The following ADGRL1 variants were observed in gnomAD, a reference collection of about 807,000 sequenced individuals.
The protein encoded by ADGRL1 is CIRL-1.
ADGRL1 carries 31 observed loss-of-function variants against 148.9 expected under a neutral mutation model. The ratio of observed to expected loss-of-function variants is 0.21; its 90% CI spans 0.16 to 0.28. The LOEUF (loss-of-function observed/expected upper bound fraction) is 0.28, where lower values mean the gene tolerates loss of function less well. Ranked by LOEUF, ADGRL1 falls within the 10% of genes least tolerant of loss-of-function variation. The pLI is 1.00. For synonymous variants in ADGRL1, 937 were observed against 900.3 expected (o/e 1.04, Z -0.73); for missense variants, 1,521 against 2,058.8 (o/e 0.74, Z 5.05).
intron 4 of ADGRL1, 89 bp from the exon 5 acceptor site, chr19:14,163,495 A>AGG (rs1969642488): frequency 3.5e-6 from 3 of 861,902 alleles, no homozygotes; most frequent in Admixed American, 3.3e-5. Context: ...AGAGAGAGAG[A>AGG]GAGGGGGGAG....
At chr19:14,175,969 G>T (rs1283951537) in intron 3 of ADGRL1, among the ~76,000 whole-genome samples, 1 of 151,936 alleles carries the variant, frequency 6.6e-6, no homozygotes, top group African/African-American at 2.4e-5. Context: ...CGGGAGAATT[G>T]CTTGAACCCT....
intron 1 of ADGRL1, among the ~76,000 whole-genome samples, chr19:14,199,419 G>T (rs1035763073): frequency 2.0e-5 from 3 of 151,368 alleles, no homozygotes; most frequent in African/African-American, 7.3e-5. Flanking sequence ...GTTTGGGAGT[G>T]TGTGTGTTTT....
At chr19:14,201,303 T>TG (rs1972589463) in intron 1 of ADGRL1, among the ~76,000 whole-genome samples, 1 of 34,990 alleles carries the variant, frequency 2.9e-5, no homozygotes, top group African/African-American at 8.1e-5. Context: ...AGTTTTTTTG[T>TG]TTTTTTTTTT....
At position 14,158,568 on chromosome 19, in the gene ADGRL1, A is replaced by C. The variant is rs753133554; in HGVS notation, c.2150-16T>G. The stretch of plus-strand genomic sequence containing the variant: ...TTGACCACCCCTGGTGAGAACAGGC[A>C]CGTTTGGATGTGTCAGCATCCTCAG... On this transcript the variant is annotated splice_polypyrimidine_tract_variant and intron_variant, in intron 11 of 22. Transcript: ENST00000361434. 6.2e-7 allele frequency: 1 copy of C among 1,603,332 alleles called. No homozygotes were observed. Among genetic ancestry groups the C allele is most frequent in the South Asian group, 1.1e-5 (1 of 90,876 alleles).
In ADGRL1 at chr19:14,162,806, C is replaced by T. The variant is rs1178389396; in HGVS notation, c.995G>A (p.Ser332Asn). ...VLRSVYVDDD[S>N]EAAGNRVDYA... ...GTCCACGCGGTTGCCAGCCGCCTCG[C>T]TGTCATCATCCACGTACACGGAACG... is the stretch of plus-strand genomic sequence containing the variant. Residue 332 changes from serine (S) to asparagine (N), a missense_variant, in exon 5 of 23, where the codon AGC becomes AAC. Coordinates refer to ENST00000361434, the MANE Select transcript of ADGRL1 (RefSeq NM_014921.5). The surrounding 1 kb of genome is among the most constrained non-coding windows in gnomAD (Gnocchi z 5.4). 1 of 1,614,006 alleles carries T rather than the reference C, an allele frequency of 6.2e-7. No individual in the cohort carries two copies. Among genetic ancestry groups the T allele is most frequent in the South Asian group, 1.1e-5 (1 of 91,078 alleles).
intron 1 of ADGRL1, among the ~76,000 whole-genome samples, chr19:14,193,265 C>A (rs1016380936): frequency 1.5e-5 from 2 of 132,804 alleles, no homozygotes; most frequent in African/African-American, 2.8e-5. Flanking sequence ...CCCCCGCCCC[C>A]ACCGCCAAAA....
Position 14,162,457 on chromosome 19 carries a change from C to T in ADGRL1, c.1195+149G>A. On this transcript the variant is annotated intron_variant, in intron 5 of 22. Transcript: ENST00000361434. This position sits in a 1 kb window ranked among gnomAD's most constrained non-coding sequence, Gnocchi z 5.4. ...GTTAATGACTGTGAAGTGCTTAGAA[C>T]AGCGTCTGTCACATGCTGTGAATTT... 1 of 661,338 alleles carries T rather than the reference C, an allele frequency of 1.5e-6. No individual in the cohort carries two copies. Among genetic ancestry groups the T allele is most frequent in the Non-Finnish European group, 2.6e-6 (1 of 385,432 alleles). 41.0% of individuals were successfully genotyped at this position (661,338 alleles called of 1,614,324 possible). A position where few individuals can be genotyped will look rare whatever the true frequency, so the allele number is the denominator to read the frequency against.
At position 14,152,980 on chromosome 19, in the gene ADGRL1, C is replaced by A; in HGVS notation, c.3295-68G>T. ...CTCTGTGATCCAGTCTCCCACAGGGCTGGTCACAAGACAGGCAGCCTTGGG... is the reference window on the plus strand; with the variant it reads ...CTCTGTGATCCAGTCTCCCACAGGGATGGTCACAAGACAGGCAGCCTTGGG... On this transcript the variant is annotated intron_variant, in intron 18 of 22. Coordinates refer to ENST00000361434, the MANE Select transcript of ADGRL1 (RefSeq NM_014921.5). This position sits in a 1 kb window ranked among gnomAD's most constrained non-coding sequence, Gnocchi z 6.1. 6.3e-7 allele frequency: 1 copy of A among 1,577,222 alleles called. No homozygotes were observed. Among genetic ancestry groups the A allele is most frequent in the Non-Finnish European group, 8.6e-7 (1 of 1,158,560 alleles).
intron 2 of ADGRL1, among the ~76,000 whole-genome samples, chr19:14,181,475 T>C (rs1706834182): frequency 6.6e-6 from 1 of 152,070 alleles, no homozygotes; most frequent in South Asian, 2.1e-4. Flanking sequence ...TCCCAGCACT[T>C]TGGAAGGCCG....
At chr19:14,194,746 T>A (rs1972151726) in intron 1 of ADGRL1, among the ~76,000 whole-genome samples, 1 of 141,842 alleles carries the variant, frequency 7.1e-6, no homozygotes, top group Admixed American at 7.6e-5. Context: ...CTATGCAACC[T>A]CAGAGCTGGT....
At chr19:14,201,741 T>A (rs1972627487) in intron 1 of ADGRL1, among the ~76,000 whole-genome samples, 1 of 152,088 alleles carries the variant, frequency 6.6e-6, no homozygotes, top group African/African-American at 2.4e-5. Context: ...GAACGCACAC[T>A]GTGGGCCAGT....
chr19:14,193,945 G>T (rs1008389565), intron 1 of ADGRL1, among the ~76,000 whole-genome samples: 28 of 152,256 alleles, frequency 1.8e-4, no homozygotes, highest in African/African-American at 6.3e-4. Flanking sequence ...GAGCTGGGAG[G>T]CGACACAATT....
intron 1 of ADGRL1, among the ~76,000 whole-genome samples, chr19:14,202,958 GCAGACAGA>G (rs888426410): frequency 6.6e-6 from 1 of 152,152 alleles, no homozygotes; most frequent in East Asian, 1.9e-4. Context: ...ATGCACAGGT[GCAGACAGA>G]CAGACAGACA....
chr19:14,170,153 T>C (rs1352130493), intron 4 of ADGRL1: 1 of 153,194 alleles, frequency 6.5e-6, no homozygotes, highest in African/African-American at 2.4e-5. Flanking sequence ...GCTTCCATGA[T>C]TGGGAAGAAG....
chr19:14,178,341 C>G (rs1428927570), intron 2 of ADGRL1, among the ~76,000 whole-genome samples: 1 of 151,932 alleles, frequency 6.6e-6, no homozygotes, highest in Non-Finnish European at 1.5e-5. Flanking sequence ...CCTGTCTCTA[C>G]CAAAAATACA....
At chr19:14,158,986 G>C in intron 11 of ADGRL1, 104 bp downstream of exon 11, 1 of 1,407,714 alleles carries the variant, frequency 7.1e-7, no homozygotes, top group Non-Finnish European at 9.8e-7. Context: ...ATGAGAAAAG[G>C]TCAGCACCGC....
rs148021223 is a variant in ADGRL1, at chr19:14,179,725, G to A, written c.71-1981C>T. On this transcript the variant is annotated intron_variant, in intron 2 of 22. Coordinates refer to ENST00000361434, the MANE Select transcript of ADGRL1 (RefSeq NM_014921.5). Reference sequence around the variant, plus strand: ...AGTTTGAGACCAGCCTGGCCAACATGGTGAAACCCCCATCTCTACTTAAAA... The same window carrying A: ...AGTTTGAGACCAGCCTGGCCAACATAGTGAAACCCCCATCTCTACTTAAAA... 8.5e-3 allele frequency among the ~76,000 whole-genome samples: 1,285 copies of A among 151,740 alleles called. 60 individuals carry two copies. The highest frequency in any genetic ancestry group is 0.078 in the Admixed American group (1,184 of 15,218).
In ADGRL1 at chr19:14,184,638, A is replaced by ATTTTTTTT. The variant is rs1293975046; in HGVS notation, c.-95-942_-95-941insAAAAAAAA. ...TATTTATTTATTTATTTATTTATTT[A>ATTTTTTTT]TTTATTTATTTTTTTTTCTGAGACG... is the stretch of plus-strand genomic sequence containing the variant. On this transcript the variant is annotated intron_variant, in intron 1 of 22. Coordinates refer to ENST00000361434, the MANE Select transcript of ADGRL1 (RefSeq NM_014921.5). Among the ~76,000 whole-genome samples the ATTTTTTTT allele has an allele frequency of 5.0e-4, 61 of 120,930 alleles. 2 individuals carry two copies. The highest frequency in any genetic ancestry group is 6.8e-4 in the East Asian group (3 of 4,424). 79.3% of individuals were successfully genotyped at this position (120,930 alleles called of 152,430 possible).
At chr19:14,156,555 G>A in intron 16 of ADGRL1, 103 bp downstream of exon 16, 2 of 796,974 alleles carry the variant, frequency 2.5e-6, no homozygotes, top group East Asian at 2.7e-5. Context: ...GAGAGAGAGT[G>A]TGTGTGTGTG....
Sources: allele counts gnomAD v4.1 joint callset (sites outside exome capture counted in the v4.1 genomes callset), GRCh38; gene constraint gnomAD v4.1.1; non-coding constraint Gnocchi (gnomAD v3.1); transcripts MANE v1.5; gene names NCBI Gene and HGNC (gene_info 2026-07-23, HGNC 2026-07-21).